The following XKR6 variants were observed in gnomAD, a reference collection of about 807,000 sequenced individuals.
XKR6 encodes XK related 6.
Under a neutral mutation model 56.7 loss-of-function variants are expected in XKR6, and 22 were observed. That is an observed-to-expected ratio of 0.39 (90% CI 0.28 to 0.55). The LOEUF (loss-of-function observed/expected upper bound fraction) is 0.55, where lower values mean the gene tolerates loss of function less well. Ranked by LOEUF, XKR6 falls within the 20% of genes least tolerant of loss-of-function variation. XKR6 has a pLI of 0.66. For synonymous variants in XKR6, 524 were observed against 387.8 expected (o/e 1.35, Z -4.13); for missense variants, 852 against 889.0 (o/e 0.96, Z 0.53).
chr8:10,973,659 A>T lies in XKR6; in HGVS notation c.765-48829T>A, dbSNP rs181983263. On this transcript the variant is annotated intron_variant, in intron 1 of 2. Transcript: ENST00000416569. ...CAGTGGAACCGTCTCAGCTCACTGC[A>T]CAACCTCCACCTCCGGGGCTCAAAG... is the stretch of plus-strand genomic sequence containing the variant. Among the ~76,000 whole-genome samples, 372 of 152,076 alleles carry T rather than the reference A, an allele frequency of 2.4e-3. 2 individuals carry two copies. Among genetic ancestry groups the T allele is most frequent in the African/African-American group, 8.7e-3 (361 of 41,464 alleles).
intron 1 of XKR6, among the ~76,000 whole-genome samples, chr8:11,051,527 C>G (rs1005121836): frequency 6.6e-6 from 1 of 152,206 alleles, no homozygotes; most frequent in Non-Finnish European, 1.5e-5. Context: ...GACACCATCA[C>G]ATTATCCAGT....
rs561195928 is a variant in XKR6, at chr8:11,149,625, G to A, written c.764+50951C>T. On this transcript the variant is annotated intron_variant, in intron 1 of 2. Transcript: ENST00000416569. ...CTATGCTTCACGTTAAAAAAAAAAA[G>A]ACCCACTGTTACTGTTGCTGAGAAT... Among the ~76,000 whole-genome samples the A allele has an allele frequency of 1.5e-4, 22 of 149,730 alleles. No individual in the cohort carries two copies. In the South Asian group the frequency reaches 4.6e-3, roughly 32 times the overall value.
chr8:11,173,366 T>TACACAC (rs528628983), intron 1 of XKR6, among the ~76,000 whole-genome samples: 128 of 143,974 alleles, frequency 8.9e-4, no homozygotes, highest in African/African-American at 3.3e-3. Context: ...TATATATATA[T>TACACAC]ACACACACAC....
chr8:11,077,086 G>C lies in XKR6; in HGVS notation c.764+123490C>G, dbSNP rs1020964111. 1.3e-5 allele frequency among the ~76,000 whole-genome samples: 2 copies of C among 152,238 alleles called. 1 individual carries two copies. ...AGCTACTCAAGAGGCTGAGGCAGAA[G>C]GATCACTTGAGCCTCAGGAGTTTGA... On this transcript the variant is annotated intron_variant, in intron 1 of 2. Coordinates refer to ENST00000416569, the MANE Select transcript of XKR6 (RefSeq NM_173683.4).
At chr8:10,942,547 C>T (rs555476264) in intron 1 of XKR6, among the ~76,000 whole-genome samples, 3 of 152,334 alleles carry the variant, frequency 2.0e-5, no homozygotes, top group African/African-American at 4.8e-5. Context: ...ACCGGGCACA[C>T]AGAGCAAAAA....
chr8:10,954,866 CTTTTTTTTTTT>C (rs34248780), intron 1 of XKR6, among the ~76,000 whole-genome samples: 3 of 92,796 alleles, frequency 3.2e-5, no homozygotes, highest in South Asian at 3.5e-4. Flanking sequence ...ACTTCATTCT[CTTTTTTTTTTT>C]TTTTTTTTTA....
chr8:11,105,534 C>T (rs1414336383), intron 1 of XKR6: 1 of 152,252 alleles, frequency 6.6e-6, no homozygotes, highest in Non-Finnish European at 1.5e-5. Context: ...CTCCCTTCCC[C>T]ACATTCCTAC....
intron 1 of XKR6, among the ~76,000 whole-genome samples, chr8:11,121,111 C>T (rs1799432074): frequency 6.6e-6 from 1 of 152,176 alleles, no homozygotes; most frequent in Non-Finnish European, 1.5e-5. Flanking sequence ...CAATACCACT[C>T]AGGACATAGG....
intron 1 of XKR6, among the ~76,000 whole-genome samples, chr8:11,154,862 A>G (rs1801440244): frequency 6.6e-6 from 1 of 152,166 alleles, no homozygotes; most frequent in Non-Finnish European, 1.5e-5. Context: ...CCCTCTTCAA[A>G]TCTTCCCAGT....
At chr8:11,032,424 C>G (rs552980230) in intron 1 of XKR6, among the ~76,000 whole-genome samples, 2 of 152,256 alleles carry the variant, frequency 1.3e-5, no homozygotes, top group Admixed American at 1.3e-4. Context: ...TACAAAGACA[C>G]AAATTGGCCC....
intron 1 of XKR6, among the ~76,000 whole-genome samples, chr8:11,059,900 C>T (rs1004823627): frequency 1.2e-4 from 19 of 152,238 alleles, no homozygotes; most frequent in Admixed American, 9.1e-4. Flanking sequence ...CTGCAGTGTC[C>T]CTGAAGGTGA....
At chr8:10,993,869 T>A (rs199679463) in intron 1 of XKR6, among the ~76,000 whole-genome samples, 1 of 152,170 alleles carries the variant, frequency 6.6e-6, no homozygotes, top group Non-Finnish European at 1.5e-5. Context: ...TATAGCCCTA[T>A]ACCTGCAGCC....
chr8:11,077,535 G>C (rs1800306269), intron 1 of XKR6, among the ~76,000 whole-genome samples: 1 of 152,190 alleles, frequency 6.6e-6, no homozygotes, highest in African/African-American at 2.4e-5. Context: ...CTCAGGGTCA[G>C]GCAAAGGCCT....
At chr8:11,174,279 C>A (rs1258481641) in intron 1 of XKR6, among the ~76,000 whole-genome samples, 2 of 152,182 alleles carry the variant, frequency 1.3e-5, no homozygotes, top group African/African-American at 4.8e-5. Flanking sequence ...TCACTCACTC[C>A]TCTCTCTTCC....
intron 1 of XKR6, among the ~76,000 whole-genome samples, chr8:11,116,820 T>A (rs1355428463): frequency 6.6e-6 from 1 of 152,216 alleles, no homozygotes; most frequent in African/African-American, 2.4e-5. Context: ...CACTTGATGT[T>A]TTGTAATGCA....
intron 1 of XKR6, among the ~76,000 whole-genome samples, chr8:11,107,168 A>G (rs1192582415): frequency 4.6e-5 from 7 of 152,130 alleles, no homozygotes; most frequent in Admixed American, 2.0e-4. Flanking sequence ...TGGCAAAGAA[A>G]AGCAACACGG....
At chr8:11,167,880 C>T (rs779900541) in intron 1 of XKR6, among the ~76,000 whole-genome samples, 2 of 136,220 alleles carry the variant, frequency 1.5e-5, no homozygotes, top group Non-Finnish European at 3.1e-5. Flanking sequence ...CAGAGTAAGA[C>T]CCCATCTCTT....
At chr8:11,033,769 G>A (rs917304474) in intron 1 of XKR6, among the ~76,000 whole-genome samples, 1 of 152,168 alleles carries the variant, frequency 6.6e-6, no homozygotes, top group Admixed American at 6.5e-5. Flanking sequence ...GAATTATGCA[G>A]ATACCCAGGT....
intron 1 of XKR6, among the ~76,000 whole-genome samples, chr8:11,129,425 A>G (rs959915222): frequency 6.6e-6 from 1 of 152,126 alleles, no homozygotes; most frequent in African/African-American, 2.4e-5. Context: ...TATTATAACC[A>G]CCAAATGTTT....
Sources: gnomAD v4.1 joint callset for allele counts (sites outside exome capture counted in the v4.1 genomes callset) on GRCh38, gnomAD v4.1.1 for gene constraint, MANE v1.5 for transcripts, NCBI Gene and HGNC (gene_info 2026-07-23, HGNC 2026-07-21) for gene names.